LYPLAL1: variants seen among roughly 807,000 people sequenced by gnomAD.
LYPLAL1 encodes lysophospholipase-like protein 1.
Under a neutral mutation model 19.7 loss-of-function variants are expected in LYPLAL1, and 23 were observed. The observed-to-expected ratio is 1.17, with a 90% CI of 0.84 to 1.65. LYPLAL1 has a LOEUF of 1.65. LYPLAL1 is among the 40% of genes most tolerant of loss of function. The pLI, the probability that LYPLAL1 is intolerant of heterozygous loss-of-function variation, is 0.00. For missense variants in LYPLAL1, 355 were observed against 279.4 expected, an observed-to-expected ratio of 1.27 and a Z score of -1.93; for synonymous variants, 119 against 96.3, an observed-to-expected ratio of 1.24 and a Z score of -1.38.
chr1:219,445,046 G>A, the LYPLAL1 span, among the ~76,000 whole-genome samples: 2 of 149,636 alleles, frequency 1.3e-5, no homozygotes, highest in South Asian at 2.1e-4. Context: ...AACCTAAAAA[G>A]GAAAGAAAAA....
At chr1:219,324,461 C>G in the LYPLAL1 span, among the ~76,000 whole-genome samples, 8 of 152,138 alleles carry the variant, frequency 5.3e-5, no homozygotes, top group Admixed American at 1.3e-4. Flanking sequence ...GGTAGTGACT[C>G]GGCCCCTCTC....
chr1:219,274,516 G>T, the LYPLAL1 span, among the ~76,000 whole-genome samples: 8 of 152,214 alleles, frequency 5.3e-5, no homozygotes, highest in East Asian at 1.2e-3. Context: ...CTCCTGAGTA[G>T]CTGGGATTAC....
intron 3 of LYPLAL1, among the ~76,000 whole-genome samples, chr1:219,195,837 C>G (rs1657555856): frequency 6.6e-6 from 1 of 152,054 alleles, no homozygotes; most frequent in African/African-American, 2.4e-5. Flanking sequence ...TCCTGATGCT[C>G]TCCCTCTCAC....
chr1:219,384,316 T>C, the LYPLAL1 span, among the ~76,000 whole-genome samples: 1 of 152,212 alleles, frequency 6.6e-6, no homozygotes, highest in African/African-American at 2.4e-5. Flanking sequence ...TTTTTAAAAT[T>C]CTGTATTTGC....
the LYPLAL1 span, among the ~76,000 whole-genome samples, chr1:219,291,014 T>C: frequency 2.2e-4 from 33 of 152,332 alleles, no homozygotes; most frequent in African/African-American, 7.7e-4. Context: ...TATCATTCTG[T>C]CAGTTCTCTT....
chr1:219,383,901 T>C, the LYPLAL1 span, among the ~76,000 whole-genome samples: 2 of 152,216 alleles, frequency 1.3e-5, no homozygotes, highest in African/African-American at 4.8e-5. Context: ...ATTTATGATG[T>C]CATTTCTGTT....
intron 3 of LYPLAL1, among the ~76,000 whole-genome samples, chr1:219,208,239 G>A (rs1658724542): frequency 2.6e-5 from 4 of 152,020 alleles, no homozygotes; most frequent in Admixed American, 2.0e-4. Context: ...TACAGTAACT[G>A]TACATTTTAA....
the LYPLAL1 span, among the ~76,000 whole-genome samples, chr1:219,371,175 A>G: frequency 6.6e-6 from 1 of 152,164 alleles, no homozygotes; most frequent in African/African-American, 2.4e-5. Flanking sequence ...CCTTCCTTCT[A>G]GTACTAAACT....
chr1:219,193,341 C>A, intron 3 of LYPLAL1, 90 bp downstream of exon 3: 1 of 974,312 alleles, frequency 1.0e-6, no homozygotes, highest in South Asian at 1.9e-5. Flanking sequence ...TTTAGAAGCA[C>A]TTGTATATCA....
chr1:219,249,406 G>T, the LYPLAL1 span, among the ~76,000 whole-genome samples: 2 of 151,884 alleles, frequency 1.3e-5, no homozygotes, highest in African/African-American at 2.4e-5. Flanking sequence ...ATTCCATAGT[G>T]TTAAAATGCC....
At chr1:219,270,849 C>A in the LYPLAL1 span, 4 of 152,326 alleles carry the variant, frequency 2.6e-5, no homozygotes, top group Non-Finnish European at 5.9e-5. Context: ...TAATTTATTT[C>A]TATCTCCTGT....
intron 3 of LYPLAL1, among the ~76,000 whole-genome samples, chr1:219,202,370 C>A (rs1022579153): frequency 6.6e-6 from 1 of 152,224 alleles, no homozygotes; most frequent in Non-Finnish European, 1.5e-5. Flanking sequence ...TGGAGACTTA[C>A]AGGTAGCTTA....
chr1:219,186,332 G>T (rs1019524890), intron 2 of LYPLAL1, among the ~76,000 whole-genome samples: 3 of 151,680 alleles, frequency 2.0e-5, no homozygotes, highest in African/African-American at 7.3e-5. Context: ...AATGGTTCAA[G>T]GTATTTGAAA....
chr1:219,332,225 G>A, the LYPLAL1 span, among the ~76,000 whole-genome samples: 1 of 152,222 alleles, frequency 6.6e-6, no homozygotes, highest in African/African-American at 2.4e-5. Context: ...TGGGGATGTG[G>A]GATAAGGGAG....
the LYPLAL1 span, among the ~76,000 whole-genome samples, chr1:219,309,588 C>T: frequency 1.3e-5 from 2 of 152,100 alleles, no homozygotes; most frequent in Non-Finnish European, 2.9e-5. Flanking sequence ...CCCCCATACT[C>T]TTCTCGTGGT....
At chr1:219,408,877 G>T in the LYPLAL1 span, among the ~76,000 whole-genome samples, 2 of 152,308 alleles carry the variant, frequency 1.3e-5, no homozygotes, top group East Asian at 3.9e-4. Flanking sequence ...AAGGTAAGTT[G>T]GCTCCAGAAA....
chr1:219,375,238 A>C, the LYPLAL1 span, among the ~76,000 whole-genome samples: 1 of 152,156 alleles, frequency 6.6e-6, no homozygotes, highest in Non-Finnish European at 1.5e-5. Context: ...AGGCCAAGGC[A>C]GGCAGATCAC....
the LYPLAL1 span, among the ~76,000 whole-genome samples, chr1:219,428,216 AC>A: frequency 6.6e-6 from 1 of 152,204 alleles, no homozygotes; most frequent in Non-Finnish European, 1.5e-5. Flanking sequence ...TTCCTGATCT[AC>A]TTACAGTTAT....
At chr1:219,364,376 C>T in the LYPLAL1 span, among the ~76,000 whole-genome samples, 1 of 152,114 alleles carries the variant, frequency 6.6e-6, no homozygotes, top group Non-Finnish European at 1.5e-5. Context: ...CTCTAATACA[C>T]TCTGTTTCCT....
Sources: allele counts gnomAD v4.1 joint callset (sites outside exome capture counted in the v4.1 genomes callset), GRCh38; gene constraint gnomAD v4.1.1; transcripts MANE v1.5; gene names NCBI Gene and HGNC (gene_info 2026-07-23, HGNC 2026-07-21).